Variants in ZFP1 observed in about 807,000 individuals in gnomAD.
The protein encoded by ZFP1 is ZFP1 zinc finger protein, also known as zinc finger protein 1 homolog.
In ZFP1, 32 loss-of-function variants were observed where a neutral mutation model predicts 38.5. That is an observed-to-expected ratio of 0.83 (90% CI 0.63 to 1.12). ZFP1 has a LOEUF of 1.12. ZFP1 is among the 50% of genes most tolerant of loss of function. ZFP1 has a pLI of 0.00. For missense variants in ZFP1, 616 were observed against 480.8 expected (o/e 1.28, Z -2.63); for synonymous variants, 245 against 168.8 (o/e 1.45, Z -3.50).
At chr16:75,132,799 G>A in the ZFP1 span, among the ~76,000 whole-genome samples, 2 of 150,998 alleles carry the variant, frequency 1.3e-5, no homozygotes, top group Admixed American at 1.3e-4. Flanking sequence ...TGGGATTACA[G>A]GCATTCACCA....
At chr16:75,120,426 T>C in the ZFP1 span, among the ~76,000 whole-genome samples, 4 of 152,172 alleles carry the variant, frequency 2.6e-5, no homozygotes, top group Non-Finnish European at 1.5e-5. Flanking sequence ...TTTTTTCTTA[T>C]GCAATCCCCA....
chr16:75,134,539 A>C, the ZFP1 span, among the ~76,000 whole-genome samples: 60 of 137,464 alleles, frequency 4.4e-4, no homozygotes, highest in African/African-American at 1.5e-3. Flanking sequence ...GGTGGATCAC[A>C]AGGTCAGGAG....
At chr16:75,149,556 T>A (rs1013050899) in intron 1 of ZFP1, among the ~76,000 whole-genome samples, 1 of 102,732 alleles carries the variant, frequency 9.7e-6, no homozygotes, top group African/African-American at 3.2e-5. Flanking sequence ...TTCTTTACTT[T>A]CTTTTTTTTT....
At chr16:75,152,253 T>C (rs1426899467) in intron 1 of ZFP1, among the ~76,000 whole-genome samples, 1 of 152,172 alleles carries the variant, frequency 6.6e-6, no homozygotes, top group Non-Finnish European at 1.5e-5. Context: ...TGGTTTCATA[T>C]TATTATTTTT....
chr16:75,157,192 T>TGA (rs2037511588), intron 2 of ZFP1: 1 of 152,034 alleles, frequency 6.6e-6, no homozygotes, highest in South Asian at 2.1e-4. Context: ...AGCAGCTTCT[T>TGA]GAGAAAGGGT....
the ZFP1 span, among the ~76,000 whole-genome samples, chr16:75,136,966 C>G: frequency 6.6e-6 from 1 of 152,130 alleles, no homozygotes; most frequent in Non-Finnish European, 1.5e-5. Flanking sequence ...GCTCTGTCAG[C>G]CAAGGGGTCC....
the ZFP1 span, among the ~76,000 whole-genome samples, chr16:75,127,128 A>T: frequency 1.3e-5 from 2 of 152,282 alleles, no homozygotes; most frequent in South Asian, 4.1e-4. Context: ...CTGCTCTAAA[A>T]CTTTTTGTCA....
rs898088235 is a variant in ZFP1, at chr16:75,172,037, C to CAA, written c.*1710_*1711dup. On this transcript the variant is annotated 3_prime_UTR_variant, in exon 4 of 4. Transcript: ENST00000570010. Reference sequence around the variant, plus strand: ...TTTTGGTAAGGACCAAAAAAACAAACAAAAAAAAGACCATCAGTAAGGGAA... The same window carrying CAA: ...TTTTGGTAAGGACCAAAAAAACAAACAAAAAAAAAAGACCATCAGTAAGGGAA... The CAA allele has an allele frequency of 6.6e-6, 1 of 151,226 alleles. No individual in the cohort carries two copies. Among genetic ancestry groups the CAA allele is most frequent in the African/African-American group, 2.4e-5 (1 of 41,174 alleles). The allele number at this position is 151,226 out of a possible 1,614,324, so 9.4% of individuals were successfully genotyped here. A position where few individuals can be genotyped will look rare whatever the true frequency, so the allele number is the denominator to read the frequency against.
chr16:75,170,937 T>G lies in ZFP1; in HGVS notation c.*603T>G, dbSNP rs561295049. The G allele has an allele frequency of 3.3e-5, 5 of 151,570 alleles. No homozygotes were observed. The South Asian group carries it at 8.4e-4, about 25-fold the overall frequency. The allele number at this position is 151,570 out of a possible 1,614,324, so 9.4% of individuals were successfully genotyped here. A position where few individuals can be genotyped will look rare whatever the true frequency, so the allele number is the denominator to read the frequency against. ...GTATGAACATTGTTCTTGAGCTGCC[T>G]CTTAGGAAACAGAAGACAGTGTTGA... is the stretch of plus-strand genomic sequence containing the variant. On this transcript the variant is annotated 3_prime_UTR_variant, in exon 4 of 4. Transcript: ENST00000570010.
At chr16:75,159,570 G>T (rs2037660879) in intron 2 of ZFP1, among the ~76,000 whole-genome samples, 1 of 150,672 alleles carries the variant, frequency 6.6e-6, no homozygotes, top group African/African-American at 2.5e-5. Context: ...ACTATGCCCG[G>T]CTAATTTTTG....
At chr16:75,166,928 G>T (rs549740432) in intron 3 of ZFP1, 32 bp downstream of exon 3, 17 of 1,594,566 alleles carry the variant, frequency 1.1e-5, no homozygotes, top group East Asian at 9.0e-5. Flanking sequence ...AGCTCACCAT[G>T]TGCCTAGAGG....
At chr16:75,124,579 C>G in the ZFP1 span, among the ~76,000 whole-genome samples, 1 of 149,072 alleles carries the variant, frequency 6.7e-6, no homozygotes, top group South Asian at 2.1e-4. Context: ...GTCAGGAGAT[C>G]GAGACCATCC....
chr16:75,128,093 A>T, the ZFP1 span: 1 of 152,232 alleles, frequency 6.6e-6, no homozygotes, highest in East Asian at 1.9e-4. Context: ...CCTTTAAGGA[A>T]TCAAACTTCA....
At chr16:75,150,572 T>C (rs1437895535) in intron 1 of ZFP1, among the ~76,000 whole-genome samples, 1 of 152,212 alleles carries the variant, frequency 6.6e-6, no homozygotes, top group African/African-American at 2.4e-5. Flanking sequence ...GTCAGAATAC[T>C]GTGTTACGAA....
chr16:75,128,108 T>C, the ZFP1 span, among the ~76,000 whole-genome samples: 1 of 152,246 alleles, frequency 6.6e-6, no homozygotes, highest in Non-Finnish European at 1.5e-5. Context: ...ACTTCACTTA[T>C]GGAGCCAATA....
At chr16:75,140,457 G>A in the ZFP1 span, among the ~76,000 whole-genome samples, 2 of 152,194 alleles carry the variant, frequency 1.3e-5, no homozygotes, top group Middle Eastern at 3.4e-3. Context: ...CTCCTGCTAT[G>A]ACCTCCTTAG....
At position 75,152,893 on chromosome 16, in the gene ZFP1, T is replaced by A; in HGVS notation, c.-43-16T>A. On this transcript the variant is annotated splice_polypyrimidine_tract_variant and intron_variant, in intron 1 of 3. Coordinates refer to ENST00000570010, the MANE Select transcript of ZFP1 (RefSeq NM_153688.4). The stretch of plus-strand genomic sequence containing the variant: ...AGACCTTTAATAACAATGCCTTCCT[T>A]TTTCCTCTATTCCAGTTCTGCCTTC... The A allele has an allele frequency of 1.2e-6, 2 of 1,609,214 alleles. No individual in the cohort carries two copies. Among genetic ancestry groups the A allele is most frequent in the Non-Finnish European group, 1.7e-6 (2 of 1,178,130 alleles).
chr16:75,164,110 C>G (rs1337243359), intron 2 of ZFP1, among the ~76,000 whole-genome samples: 2 of 152,198 alleles, frequency 1.3e-5, no homozygotes, highest in African/African-American at 2.4e-5. Context: ...TTCCTGTGGA[C>G]AGCTTCCTGT....
chr16:75,169,730 C>T lies in ZFP1; in HGVS notation c.620C>T (p.Thr207Ile). ...CTCATTAGTCATAAGAGAATACATA[C>T]TGGAGAAAAGCCATATGAATGCAAT... Reference protein sequence around the residue: ...SLLISHKRIHTGEKPYECNVC... With the variant: ...SLLISHKRIHIGEKPYECNVC... Residue 207 changes from threonine to isoleucine, a missense_variant, in exon 4 of 4, where the codon ACT (threonine) becomes ATT (isoleucine). Thr to Ile is a moderately conservative substitution (Grantham distance 89). Coordinates refer to ENST00000570010, the MANE Select transcript of ZFP1 (RefSeq NM_153688.4). The T allele has an allele frequency of 6.2e-7, 1 of 1,613,314 alleles. No homozygotes were observed. The highest frequency in any genetic ancestry group is 8.5e-7 in the Non-Finnish European group (1 of 1,179,630).
Sources: gnomAD v4.1 joint callset for allele counts (sites outside exome capture counted in the v4.1 genomes callset) on GRCh38, gnomAD v4.1.1 for gene constraint, MANE v1.5 for transcripts, NCBI Gene and HGNC (gene_info 2026-07-23, HGNC 2026-07-21) for gene names.